The following TMPRSS11D variants were observed in gnomAD, a reference collection of about 807,000 sequenced individuals.
TMPRSS11D encodes the protein transmembrane serine protease 11D, also known as transmembrane protease serine 11D.
In TMPRSS11D, 32 loss-of-function variants were observed where a neutral mutation model predicts 44.4. The ratio of observed to expected loss-of-function variants is 0.72; its 90% CI spans 0.54 to 0.97. TMPRSS11D has a LOEUF of 0.97. Among genes scored for constraint, TMPRSS11D ranks in the 50% least tolerant of loss-of-function variants. TMPRSS11D has a pLI of 0.00. For synonymous variants in TMPRSS11D, 179 were observed against 177.9 expected, an observed-to-expected ratio of 1.01 and a Z score of -0.05; for missense variants, 446 against 502.6, an observed-to-expected ratio of 0.89 and a Z score of 1.08.
intron 1 of TMPRSS11D, among the ~76,000 whole-genome samples, chr4:67,875,729 A>G (rs1015209396): frequency 6.6e-6 from 1 of 152,242 alleles, no homozygotes; most frequent in Non-Finnish European, 1.5e-5. Flanking sequence ...AACGGAAGTG[A>G]CAGTAGTACC....
At position 67,825,738 on chromosome 4, in the gene TMPRSS11D, T is replaced by C. The variant is rs767368584; in HGVS notation, c.1089A>G (p.Ala363=). Residue 363 remains alanine (A), a synonymous_variant, in exon 9 of 10, where the codon GCA becomes GCG. Transcript: ENST00000283916. ...GAGATTGTCTTGAGCTTACCTGACATGCGTCCACTCCACCTTGAGGTACTC... is the reference window on the plus strand; with the variant it reads ...GAGATTGTCTTGAGCTTACCTGACACGCGTCCACTCCACCTTGAGGTACTC... ...CAGVPQGGVD[A]CQGDSGGPLV... The C allele has an allele frequency of 4.3e-6, 7 of 1,612,730 alleles. No individual in the cohort carries two copies. The Admixed American group carries it at 8.4e-5, about 19-fold the overall frequency.
At chr4:67,835,020 G>T in intron 6 of TMPRSS11D, 63 bp downstream of exon 6, 1 of 1,454,440 alleles carries the variant, frequency 6.9e-7, no homozygotes, top group Non-Finnish European at 9.6e-7. Context: ...GTACACAAAA[G>T]ACTTGCACTT....
chr4:67,881,967 G>A (rs1004865752), intron 1 of TMPRSS11D, among the ~76,000 whole-genome samples: 1 of 152,108 alleles, frequency 6.6e-6, no homozygotes. Context: ...CACGTTTTCT[G>A]TAATCTGGTG....
At chr4:67,831,962 A>G (rs1717955997) in intron 7 of TMPRSS11D, among the ~76,000 whole-genome samples, 1 of 152,236 alleles carries the variant, frequency 6.6e-6, no homozygotes, top group African/African-American at 2.4e-5. Context: ...ATACGTTTGT[A>G]ACAGTCACTG....
chr4:67,873,371 C>T (rs1719106946), intron 1 of TMPRSS11D, among the ~76,000 whole-genome samples: 1 of 152,102 alleles, frequency 6.6e-6, no homozygotes, highest in Non-Finnish European at 1.5e-5. Context: ...AGGTTAGAGA[C>T]ATGTTTATTC....
At chr4:67,879,471 C>A (rs370530414) in intron 1 of TMPRSS11D, among the ~76,000 whole-genome samples, 509 of 108,488 alleles carry the variant, frequency 4.7e-3, no homozygotes, top group South Asian at 6.0e-3. Context: ...GACTCCTTCT[C>A]AAAAAAAAAA....
At chr4:67,834,276 C>G (rs959562867) in intron 6 of TMPRSS11D, among the ~76,000 whole-genome samples, 1 of 152,028 alleles carries the variant, frequency 6.6e-6, no homozygotes, top group Non-Finnish European at 1.5e-5. Flanking sequence ...TTTTTCCTAG[C>G]AAATTTCCTG....
intron 1 of TMPRSS11D, among the ~76,000 whole-genome samples, chr4:67,882,107 A>G (rs1251524740): frequency 6.6e-6 from 1 of 152,138 alleles, no homozygotes; most frequent in Non-Finnish European, 1.5e-5. Flanking sequence ...AAGAAGGTAG[A>G]TAAAGAAAGG....
At chr4:67,836,074 A>G (rs1718079918) in intron 5 of TMPRSS11D, among the ~76,000 whole-genome samples, 1 of 152,096 alleles carries the variant, frequency 6.6e-6, no homozygotes, top group Admixed American at 6.6e-5. Context: ...CACTTCCAAA[A>G]TCTGAAATTT....
At chr4:67,871,198 C>G (rs1310119264) in intron 1 of TMPRSS11D, among the ~76,000 whole-genome samples, 1 of 152,134 alleles carries the variant, frequency 6.6e-6, no homozygotes, top group Non-Finnish European at 1.5e-5. Flanking sequence ...TAATTTGTAG[C>G]CTTTTCAGGG....
At chr4:67,875,099 CT>C (rs1368825500) in intron 1 of TMPRSS11D, among the ~76,000 whole-genome samples, 1 of 152,166 alleles carries the variant, frequency 6.6e-6, no homozygotes, top group Non-Finnish European at 1.5e-5. Flanking sequence ...AAGAATCAAG[CT>C]TCTCAGTTTT....
chr4:67,854,528 C>T (rs898185092), intron 2 of TMPRSS11D, among the ~76,000 whole-genome samples: 2 of 151,914 alleles, frequency 1.3e-5, no homozygotes, highest in Non-Finnish European at 2.9e-5. Context: ...TTGTAATATA[C>T]TATTATTTAT....
rs998687753 is a variant in TMPRSS11D at position 67,821,321 on chromosome 4, G to A, written c.*1016C>T. The A allele has an allele frequency of 3.3e-5, 5 of 152,024 alleles. No homozygotes were observed. Among genetic ancestry groups the A allele is most frequent in the Admixed American group, 1.3e-4 (2 of 15,260 alleles). 9.4% of individuals were successfully genotyped at this position (152,024 alleles called of 1,614,324 possible). Reference sequence around the variant, plus strand: ...GTGACAAAGTTTTTTCTGTCTTCAGGATCATTCTATTGATATTAAGCTATT... The same window carrying A: ...GTGACAAAGTTTTTTCTGTCTTCAGAATCATTCTATTGATATTAAGCTATT... On this transcript the variant is annotated 3_prime_UTR_variant, in exon 10 of 10. Transcript: ENST00000283916.
intron 2 of TMPRSS11D, among the ~76,000 whole-genome samples, chr4:67,855,152 G>C (rs1465099852): frequency 1.3e-5 from 2 of 151,774 alleles, no homozygotes; most frequent in African/African-American, 4.8e-5. Flanking sequence ...CTACTTGGGA[G>C]GCTGAGGCAG....
chr4:67,866,268 C>T (rs1372235532), intron 1 of TMPRSS11D, among the ~76,000 whole-genome samples: 1 of 151,786 alleles, frequency 6.6e-6, no homozygotes, highest in Non-Finnish European at 1.5e-5. Context: ...TCAATAGATA[C>T]AGAAAAGGTA....
At chr4:67,870,536 C>G (rs1719030495) in intron 1 of TMPRSS11D, among the ~76,000 whole-genome samples, 1 of 152,192 alleles carries the variant, frequency 6.6e-6, no homozygotes, top group African/African-American at 2.4e-5. Context: ...CACCTCCGGC[C>G]GGGCGCGGTG....
chr4:67,837,322 G>C (rs527604132), intron 5 of TMPRSS11D, among the ~76,000 whole-genome samples: 94 of 152,282 alleles, frequency 6.2e-4, no homozygotes, highest in African/African-American at 2.2e-3. Flanking sequence ...CAGTGTCTTA[G>C]AGTGCTTTGC....
At chr4:67,860,515 A>G (rs1718769835) in intron 1 of TMPRSS11D, 1 of 152,122 alleles carries the variant, frequency 6.6e-6, no homozygotes, top group South Asian at 2.1e-4. Flanking sequence ...GTTATAAAGT[A>G]TATATTTCTA....
intron 1 of TMPRSS11D, among the ~76,000 whole-genome samples, chr4:67,864,149 C>A (rs757873666): frequency 2.0e-5 from 3 of 151,810 alleles, no homozygotes; most frequent in Non-Finnish European, 2.9e-5. Context: ...GAGAAAAAAG[C>A]GCATTTCTTT....
Sources: allele counts gnomAD v4.1 joint callset (sites outside exome capture counted in the v4.1 genomes callset), GRCh38; gene constraint gnomAD v4.1.1; transcripts MANE v1.5; gene names NCBI Gene and HGNC (gene_info 2026-07-23, HGNC 2026-07-21).